The following ALK variants were observed in gnomAD, a reference collection of about 807,000 sequenced individuals.
ALK encodes ALK receptor tyrosine kinase.
A neutral mutation model predicts 163.1 loss-of-function variants in ALK; 74 were observed. That is an observed-to-expected ratio of 0.45 (90% CI 0.38 to 0.55). ALK has a LOEUF of 0.55. Among genes scored for constraint, ALK ranks in the 20% least tolerant of loss-of-function variants. ALK has a pLI of 0.00. For missense variants in ALK, 2,063 were observed against 2,105.3 expected (o/e 0.98, Z 0.39); for synonymous variants, 960 against 843.2 (o/e 1.14, Z -2.40).
chr2:29,334,389 C>T (rs527985614), intron 5 of ALK, among the ~76,000 whole-genome samples: 1 of 152,288 alleles, frequency 6.6e-6, no homozygotes, highest in Non-Finnish European at 1.5e-5. Context: ...CTCATTATGT[C>T]CATTTGATAG....
At chr2:29,457,289 G>A (rs1487239007) in intron 4 of ALK, among the ~76,000 whole-genome samples, 3 of 152,238 alleles carry the variant, frequency 2.0e-5, no homozygotes, top group East Asian at 3.9e-4. Context: ...GTGAGTCACT[G>A]CATCTGCCCA....
At chr2:29,859,872 T>C (rs1666235272) in intron 1 of ALK, among the ~76,000 whole-genome samples, 1 of 152,188 alleles carries the variant, frequency 6.6e-6, no homozygotes, top group African/African-American at 2.4e-5. Flanking sequence ...GACATATTGA[T>C]TGACAATCAT....
intron 1 of ALK, among the ~76,000 whole-genome samples, chr2:29,798,292 C>G (rs1483982526): frequency 6.6e-6 from 1 of 152,190 alleles, no homozygotes; most frequent in African/African-American, 2.4e-5. Context: ...CAGCTCCTTT[C>G]CATTTTGGGA....
chr2:29,859,636 G>GA (rs753618992), intron 1 of ALK, among the ~76,000 whole-genome samples: 1 of 151,988 alleles, frequency 6.6e-6, no homozygotes, highest in Non-Finnish European at 1.5e-5. Flanking sequence ...AAAATAAATA[G>GA]AAAAAATCAG....
At chr2:29,244,426 C>G (rs1030533459) in intron 12 of ALK, among the ~76,000 whole-genome samples, 2 of 152,098 alleles carry the variant, frequency 1.3e-5, no homozygotes, top group African/African-American at 4.8e-5. Flanking sequence ...AGATAGGAGT[C>G]AGGGTTGAAG....
intron 11 of ALK, 119 bp from the exon 12 acceptor site, chr2:29,251,386 C>T (rs1447217363): frequency 1.0e-5 from 11 of 1,050,042 alleles, no homozygotes; most frequent in East Asian, 2.6e-5. Flanking sequence ...TCCAAGATGG[C>T]ACCAAGGTCA....
chr2:29,417,245 C>T (rs1438807939), intron 4 of ALK, among the ~76,000 whole-genome samples: 1 of 152,140 alleles, frequency 6.6e-6, no homozygotes, highest in Non-Finnish European at 1.5e-5. Context: ...GCCTCAGGCT[C>T]CCAAAGTGCT....
intron 4 of ALK, among the ~76,000 whole-genome samples, chr2:29,417,750 T>C (rs1558315404): frequency 1.3e-5 from 2 of 152,212 alleles, no homozygotes; most frequent in Non-Finnish European, 1.5e-5. Context: ...TCCTCAGGGC[T>C]ATCCCATCCT....
chr2:29,615,280 C>T (rs1044354966), intron 3 of ALK, among the ~76,000 whole-genome samples: 8 of 152,176 alleles, frequency 5.3e-5, no homozygotes, highest in Admixed American at 2.0e-4. Context: ...CCCCCGCACC[C>T]CTGACTCTTG....
At chr2:29,362,055 G>A (rs555182749) in intron 5 of ALK, among the ~76,000 whole-genome samples, 38 of 152,242 alleles carry the variant, frequency 2.5e-4, no homozygotes, top group African/African-American at 8.7e-4. Context: ...AGTGGAAAAA[G>A]GGAAGGACCT....
chr2:29,678,682 TTTTAATTTTAATTAAATTTAAA>T (rs1278758767), intron 3 of ALK, among the ~76,000 whole-genome samples: 1 of 151,312 alleles, frequency 6.6e-6, no homozygotes, highest in East Asian at 1.9e-4. Context: ...ACTTGCATAA[TTTTAATTTTAATTAAATTTAAA>T]TTTAATTTTA....
At chr2:29,517,447 A>G (rs2148146086) in intron 4 of ALK, among the ~76,000 whole-genome samples, 1 of 152,322 alleles carries the variant, frequency 6.6e-6, no homozygotes, top group South Asian at 2.1e-4. Context: ...TTTCATCCAC[A>G]TTAAATCATT....
rs2148443759 is a variant in ALK, at chr2:29,920,493, A to G, written c.167T>C (p.Val56Ala). ...YSRLQRKSLA[V>A]DFVVPSLFRV... is the part of the protein sequence containing the mutation. ...GAAGAGCGAGGGCACCACGAAGTCA[A>G]CTGCCAGACTCTTCCTCTGCAGGCG... Residue 56 changes from valine to alanine, a missense_variant, in exon 1 of 29, where the codon GTT becomes GCT. This residue lies in a region of ALK where 987 missense variants were observed against 939.5 expected (regional missense o/e 1.05). Transcript: ENST00000389048. 1 of 1,613,088 alleles carries G rather than the reference A, an allele frequency of 6.2e-7. No individual in the cohort carries two copies. The highest frequency in any genetic ancestry group is 8.5e-7 in the Non-Finnish European group (1 of 1,179,700).
At chr2:29,736,090 A>G (rs1338830430) in intron 1 of ALK, among the ~76,000 whole-genome samples, 2 of 152,134 alleles carry the variant, frequency 1.3e-5, no homozygotes, top group Non-Finnish European at 2.9e-5. Context: ...CAGAGCTTTT[A>G]CTATTAATGA....
intron 3 of ALK, among the ~76,000 whole-genome samples, chr2:29,645,832 C>A (rs761621985): frequency 3.3e-5 from 5 of 152,134 alleles, no homozygotes; most frequent in African/African-American, 4.8e-5. Context: ...TTCCTCCTAC[C>A]TCATCATCCT....
intron 3 of ALK, among the ~76,000 whole-genome samples, chr2:29,690,661 G>T (rs1678369736): frequency 6.6e-6 from 1 of 152,056 alleles, no homozygotes; most frequent in East Asian, 1.9e-4. Flanking sequence ...CCATCAAAAT[G>T]ATCACTTTTT....
At chr2:29,690,556 T>A (rs1347160639) in intron 3 of ALK, among the ~76,000 whole-genome samples, 3 of 152,222 alleles carry the variant, frequency 2.0e-5, no homozygotes, top group Non-Finnish European at 4.4e-5. Context: ...CGGAAGCAGT[T>A]AGACATCAAC....
At chr2:29,389,134 A>G (rs1233939414) in intron 4 of ALK, among the ~76,000 whole-genome samples, 3 of 152,216 alleles carry the variant, frequency 2.0e-5, no homozygotes, top group Non-Finnish European at 4.4e-5. Flanking sequence ...AAAGTATTGG[A>G]TGCTCTAGGG....
intron 1 of ALK, among the ~76,000 whole-genome samples, chr2:29,797,726 C>G (rs185966746): frequency 6.6e-6 from 1 of 152,234 alleles, no homozygotes; most frequent in Admixed American, 6.5e-5. Context: ...ATCAGGGACT[C>G]TTTCCTACTC....
Sources: gnomAD v4.1 joint callset for allele counts (sites outside exome capture counted in the v4.1 genomes callset) on GRCh38, gnomAD v4.1.1 for gene constraint, gnomAD v4.1.1 regional missense constraint, MANE v1.5 for transcripts, NCBI Gene and HGNC (gene_info 2026-07-23, HGNC 2026-07-21) for gene names.